The following PITPNC1 variants were observed in gnomAD, a reference collection of about 807,000 sequenced individuals.
PITPNC1 encodes cytoplasmic phosphatidylinositol transfer protein 1.
PITPNC1 carries 18 observed loss-of-function variants against 44.7 expected under a neutral mutation model. The ratio of observed to expected loss-of-function variants is 0.40; its 90% CI spans 0.28 to 0.60. PITPNC1 has a LOEUF of 0.60. PITPNC1 is among the 20% of genes least tolerant of loss of function. PITPNC1 has a pLI of 0.39. For missense variants in PITPNC1, 290 were observed against 418.4 expected (o/e 0.69, Z 2.68); for synonymous variants, 141 against 149.6 (o/e 0.94, Z 0.42).
chr17:67,538,818 C>CA (rs973732813), intron 2 of PITPNC1, among the ~76,000 whole-genome samples: 6 of 150,156 alleles, frequency 4.0e-5, no homozygotes, highest in African/African-American at 7.4e-5. Flanking sequence ...AAAACAAAAA[C>CA]AAAAAAAACC....
At chr17:67,598,776 C>G (rs2041492931) in intron 5 of PITPNC1, among the ~76,000 whole-genome samples, 1 of 151,480 alleles carries the variant, frequency 6.6e-6, no homozygotes, top group Admixed American at 6.6e-5. Context: ...ACCTGTAATC[C>G]CAGCTACTTG....
At chr17:67,668,410 T>C (rs1414854211) in intron 6 of PITPNC1, among the ~76,000 whole-genome samples, 2 of 152,188 alleles carry the variant, frequency 1.3e-5, no homozygotes, top group Non-Finnish European at 2.9e-5. Flanking sequence ...CTGTTTCCAG[T>C]TTTTGCCTCC....
At position 67,632,174 on chromosome 17, in the gene PITPNC1, G is replaced by C; in HGVS notation, c.398G>C (p.Arg133Thr). Reference protein sequence around the residue: ...IFDNEAKDVEREVCFIDIACD... With the variant: ...IFDNEAKDVETEVCFIDIACD... ...GACAATGAAGCCAAAGACGTGGAGA[G>C]AGAAGTTTGCTTTATTGATATTGCC... Residue 133 changes from arginine (R) to threonine (T), a missense_variant, in exon 6 of 9, where the codon AGA becomes ACA. Arg to Thr is a moderately conservative substitution (Grantham distance 71). Coordinates refer to ENST00000581322, the MANE Select transcript of PITPNC1 (RefSeq NM_012417.4). 1 of 1,613,234 alleles carries C rather than the reference G, an allele frequency of 6.2e-7. No individual in the cohort carries two copies. Among genetic ancestry groups the C allele is most frequent in the Non-Finnish European group, 8.5e-7 (1 of 1,179,224 alleles).
chr17:67,522,228 C>T (rs2040334118), intron 1 of PITPNC1, among the ~76,000 whole-genome samples: 1 of 150,916 alleles, frequency 6.6e-6, no homozygotes, highest in Admixed American at 6.6e-5. Flanking sequence ...TGCTTGAACC[C>T]AGGAGGTGGA....
In PITPNC1 at chr17:67,684,000, A is replaced by G. The variant is rs1483308200; in HGVS notation, c.682+8458A>G. ...CTCAAAAAAAAAAAAAAAAGAAAAGAAAAGAAACAGGGGATTATGTTTCTA... is the reference window on the plus strand; with the variant it reads ...CTCAAAAAAAAAAAAAAAAGAAAAGGAAAGAAACAGGGGATTATGTTTCTA... On this transcript the variant is annotated intron_variant, in intron 8 of 8. Transcript: ENST00000581322. Among the ~76,000 whole-genome samples, 4 of 150,164 alleles carry G rather than the reference A, an allele frequency of 2.7e-5. No individual in the cohort carries two copies. The Admixed American group carries it at 2.7e-4, about 10-fold the overall frequency.
intron 2 of PITPNC1, among the ~76,000 whole-genome samples, chr17:67,547,668 A>G (rs1035202615): frequency 6.6e-6 from 1 of 152,190 alleles, no homozygotes. Flanking sequence ...ATACATTGCA[A>G]TGTGAGATCA....
intron 2 of PITPNC1, among the ~76,000 whole-genome samples, chr17:67,538,171 A>G (rs1208551119): frequency 6.6e-6 from 1 of 152,076 alleles, no homozygotes; most frequent in African/African-American, 2.4e-5. Flanking sequence ...CCAAGCCATT[A>G]TTAGTGCTTT....
At chr17:67,473,667 C>G (rs1447591527) in intron 1 of PITPNC1, among the ~76,000 whole-genome samples, 5 of 152,132 alleles carry the variant, frequency 3.3e-5, no homozygotes. Flanking sequence ...TGGCCTTGAA[C>G]TCCTGAGCTC....
chr17:67,600,416 G>A (rs1029539741), intron 5 of PITPNC1, among the ~76,000 whole-genome samples: 4 of 152,010 alleles, frequency 2.6e-5, no homozygotes, highest in Admixed American at 6.6e-5. Flanking sequence ...TAGTATATTC[G>A]GGCTGCTCAG....
chr17:67,414,094 A>C, intron 1 of PITPNC1, among the ~76,000 whole-genome samples: 1 of 117,626 alleles, frequency 8.5e-6, no homozygotes, highest in Admixed American at 8.6e-5. Flanking sequence ...AATGAGTTTG[A>C]ACTGAAAAAA....
intron 2 of PITPNC1, among the ~76,000 whole-genome samples, chr17:67,534,468 T>C (rs1178816159): frequency 6.6e-6 from 1 of 151,700 alleles, no homozygotes; most frequent in Non-Finnish European, 1.5e-5. Flanking sequence ...CGAAACCCCA[T>C]CTCTACTAAA....
intron 4 of PITPNC1, among the ~76,000 whole-genome samples, chr17:67,554,496 G>A (rs780720859): frequency 8.5e-5 from 13 of 152,054 alleles, no homozygotes; most frequent in Non-Finnish European, 1.8e-4. Context: ...GACCTTAGGC[G>A]ATCCGCCCAC....
intron 1 of PITPNC1, among the ~76,000 whole-genome samples, chr17:67,467,093 C>G (rs1017572524): frequency 2.5e-5 from 3 of 120,872 alleles, no homozygotes; most frequent in African/African-American, 9.3e-5. Flanking sequence ...GAATCTTGCT[C>G]TGTCACCCAG....
chr17:67,551,506 G>C (rs971490890), intron 2 of PITPNC1, among the ~76,000 whole-genome samples: 1 of 152,098 alleles, frequency 6.6e-6, no homozygotes, highest in Admixed American at 6.5e-5. Context: ...TCATTTCCAT[G>C]TCTGCCTCTG....
chr17:67,646,094 C>G (rs1369799130), intron 6 of PITPNC1, among the ~76,000 whole-genome samples: 2 of 152,160 alleles, frequency 1.3e-5, no homozygotes, highest in African/African-American at 4.8e-5. Flanking sequence ...CATTTGTACT[C>G]CAGCCTGGGC....
At chr17:67,386,444 C>T (rs889128723) in intron 1 of PITPNC1, among the ~76,000 whole-genome samples, 9 of 152,172 alleles carry the variant, frequency 5.9e-5, no homozygotes, top group African/African-American at 2.2e-4. Context: ...CCACCCGCCT[C>T]GGCCTCTCAG....
chr17:67,497,529 C>CTTTTTTTTTTTTTT (rs34364657), intron 1 of PITPNC1, among the ~76,000 whole-genome samples: 1 of 87,506 alleles, frequency 1.1e-5, no homozygotes. Flanking sequence ...TTGTTCGTGT[C>CTTTTTTTTTTTTTT]TTTTTTTTTT....
At chr17:67,518,070 A>G (rs2040280260) in intron 1 of PITPNC1, among the ~76,000 whole-genome samples, 1 of 152,220 alleles carries the variant, frequency 6.6e-6, no homozygotes, top group Non-Finnish European at 1.5e-5. Context: ...TATAAATTAT[A>G]TACATGCAAT....
At chr17:67,399,582 C>G (rs1170846945) in intron 1 of PITPNC1, among the ~76,000 whole-genome samples, 1 of 152,098 alleles carries the variant, frequency 6.6e-6, no homozygotes, top group African/African-American at 2.4e-5. Flanking sequence ...ATAAAATAAA[C>G]AGCAAGTAAT....
Sources: allele counts gnomAD v4.1 joint callset (sites outside exome capture counted in the v4.1 genomes callset), GRCh38; gene constraint gnomAD v4.1.1; transcripts MANE v1.5; gene names NCBI Gene and HGNC (gene_info 2026-07-23, HGNC 2026-07-21).